The following GRIA2 variants were observed in gnomAD, a reference collection of about 807,000 sequenced individuals.
The protein encoded by GRIA2 is glutamate ionotropic receptor AMPA type subunit 2.
GRIA2 carries 14 observed loss-of-function variants against 97.3 expected under a neutral mutation model. The ratio of observed to expected loss-of-function variants is 0.14; its 90% CI spans 0.10 to 0.23. GRIA2 has a LOEUF of 0.23. Ranked by LOEUF, GRIA2 falls within the 10% of genes least tolerant of loss-of-function variation. The probability of loss-of-function intolerance (pLI) is 1.00; values close to 1 mark genes in which losing one functional copy is unlikely to be tolerated. For missense variants in GRIA2, 558 were observed against 1,069.8 expected, an observed-to-expected ratio of 0.52 and a Z score of 6.67; for synonymous variants, 412 against 387.8, an observed-to-expected ratio of 1.06 and a Z score of -0.73.
chr4:157,355,714 TTATTTATA>T (rs1296606367), intron 12 of GRIA2, among the ~76,000 whole-genome samples: 1 of 105,136 alleles, frequency 9.5e-6, no homozygotes, highest in Non-Finnish European at 1.7e-5. Context: ...TTGTATATAT[TTATTTATA>T]TATTTATTTA....
intron 2 of GRIA2, among the ~76,000 whole-genome samples, chr4:157,282,726 T>C (rs548153305): frequency 6.6e-6 from 1 of 152,072 alleles, no homozygotes; most frequent in African/African-American, 2.4e-5. Context: ...TTTATGAAAA[T>C]CCCAAACAAA....
intron 2 of GRIA2, 152 bp from the exon 3 acceptor site, chr4:157,303,400 T>G: frequency 1.5e-6 from 1 of 657,226 alleles, no homozygotes; most frequent in Non-Finnish European, 2.6e-6. Context: ...AGTAAATAAG[T>G]GTTAATAAAT....
At chr4:157,318,037 TTA>T (rs1734403068) in intron 5 of GRIA2, among the ~76,000 whole-genome samples, 1 of 152,150 alleles carries the variant, frequency 6.6e-6, no homozygotes. Flanking sequence ...ATTGCTGCAA[TTA>T]TGTTTTAGAA....
intron 14 of GRIA2, chr4:157,362,489 T>C: frequency 2.0e-6 from 1 of 499,344 alleles, no homozygotes; most frequent in Non-Finnish European, 3.9e-6. Flanking sequence ...CCCACGGTAA[T>C]GGAATATAAC....
intron 2 of GRIA2, among the ~76,000 whole-genome samples, chr4:157,236,228 A>T (rs937760727): frequency 1.3e-5 from 2 of 152,064 alleles, no homozygotes; most frequent in Admixed American, 1.3e-4. Flanking sequence ...GAAGCTTAAA[A>T]ATTGTGATGA....
At chr4:157,317,608 C>G (rs751647033) in intron 4 of GRIA2, 50 bp from the exon 5 acceptor site, 1 of 723,560 alleles carries the variant, frequency 1.4e-6, no homozygotes, top group Non-Finnish European at 2.4e-6. Flanking sequence ...ATTAATTTTA[C>G]ACTTGCATTA....
chr4:157,327,725 G>A (rs1734866912), intron 6 of GRIA2, among the ~76,000 whole-genome samples: 1 of 152,078 alleles, frequency 6.6e-6, no homozygotes, highest in Non-Finnish European at 1.5e-5. Flanking sequence ...GCTGACATTT[G>A]TGTGGCACTT....
chr4:157,350,732 A>ATTTAAAATCTTT (rs1560778303), intron 12 of GRIA2, among the ~76,000 whole-genome samples: 1 of 152,098 alleles, frequency 6.6e-6, no homozygotes, highest in African/African-American at 2.4e-5. Context: ...CTATAATTTC[A>ATTTAAAATCTTT]TTTAAAATCT....
In GRIA2 at chr4:157,361,098, T is replaced by C; in HGVS notation, c.2380T>C (p.Cys794Arg). The change falls in exon 14 of 16, where the codon TGC becomes CGC. Residue 794 changes from cysteine to arginine, a missense_variant. Around this residue, in one of 8 missense-constraint regions of GRIA2, gnomAD observed 125 missense variants for 310.2 expected, o/e 0.40. Coordinates refer to ENST00000264426, the MANE Select transcript of GRIA2 (RefSeq NM_001083619.3). This position sits in a 1 kb window ranked among gnomAD's most constrained non-coding sequence, Gnocchi z 5.2. ...KNKWWYDKGE[C>R]GSGGGDSKEK... ...CAAATGGTGGTACGACAAAGGAGAG[T>C]GCGGCAGCGGGGGAGGTGATTCCAA... 1 of 1,613,000 alleles carries C rather than the reference T, an allele frequency of 6.2e-7. No individual in the cohort carries two copies. The highest frequency in any genetic ancestry group is 8.5e-7 in the Non-Finnish European group (1 of 1,179,190).
At chr4:157,240,700 TTC>T (rs528245511) in intron 2 of GRIA2, among the ~76,000 whole-genome samples, 203 of 148,500 alleles carry the variant, frequency 1.4e-3, no homozygotes, top group African/African-American at 4.7e-3. Flanking sequence ...TTAAGTTACT[TTC>T]TTTTTTTTTT....
intron 2 of GRIA2, among the ~76,000 whole-genome samples, chr4:157,289,000 T>C (rs1302138380): frequency 6.6e-6 from 1 of 151,872 alleles, no homozygotes; most frequent in Non-Finnish European, 1.5e-5. Context: ...AACAATGTAT[T>C]TGTTTTTAGC....
intron 12 of GRIA2, among the ~76,000 whole-genome samples, chr4:157,343,996 T>C (rs937483224): frequency 6.6e-6 from 1 of 152,090 alleles, no homozygotes; most frequent in African/African-American, 2.4e-5. Flanking sequence ...TCTAGGATAC[T>C]ATGGCTTTCC....
At chr4:157,287,703 A>AT (rs889529987) in intron 2 of GRIA2, among the ~76,000 whole-genome samples, 156 of 146,716 alleles carry the variant, frequency 1.1e-3, no homozygotes, top group Middle Eastern at 3.5e-3. Context: ...CGAGTAAGAG[A>AT]TTTTTTTTTT....
At chr4:157,314,218 G>C (rs1266027292) in intron 4 of GRIA2, among the ~76,000 whole-genome samples, 3 of 152,148 alleles carry the variant, frequency 2.0e-5, no homozygotes, top group Non-Finnish European at 4.4e-5. Context: ...ATACACACTT[G>C]TGTATGCATT....
At position 157,361,190 on chromosome 4, in the gene GRIA2, A is replaced by C. The variant is rs1264871382; in HGVS notation, c.2406+66A>C. 3.2e-6 allele frequency: 4 copies of C among 1,247,380 alleles called. No homozygotes were observed. Among genetic ancestry groups the C allele is most frequent in the Non-Finnish European group, 4.7e-6 (4 of 854,160 alleles). The allele number at this position is 1,247,380 out of a possible 1,614,324, so 77.3% of individuals were successfully genotyped here. ...AACAAAGTAAGCAGCAGCTATGCAC[A>C]GTGTGGGCACTCCGTGCCACCAAGT... is the stretch of plus-strand genomic sequence containing the variant. On this transcript the variant is annotated intron_variant, in intron 14 of 15. Coordinates refer to ENST00000264426, the MANE Select transcript of GRIA2 (RefSeq NM_001083619.3). The surrounding 1 kb of genome is among the most constrained non-coding windows in gnomAD (Gnocchi z 5.2).
intron 2 of GRIA2, among the ~76,000 whole-genome samples, chr4:157,265,601 A>T (rs1160935193): frequency 6.6e-6 from 1 of 152,102 alleles, no homozygotes; most frequent in Non-Finnish European, 1.5e-5. Flanking sequence ...TCTATTGGCT[A>T]AGCCTCCTTA....
At chr4:157,281,403 G>C (rs1486573656) in intron 2 of GRIA2, among the ~76,000 whole-genome samples, 3 of 151,972 alleles carry the variant, frequency 2.0e-5, no homozygotes, top group African/African-American at 7.2e-5. Context: ...TTCTCAGCCT[G>C]TTTATTTCCC....
intron 12 of GRIA2, among the ~76,000 whole-genome samples, chr4:157,345,220 A>C: frequency 6.6e-6 from 1 of 152,102 alleles, no homozygotes; most frequent in Non-Finnish European, 1.5e-5. Flanking sequence ...AGTGATGATC[A>C]TTAAACGAAA....
chr4:157,345,380 G>A (rs1176613814), intron 12 of GRIA2, among the ~76,000 whole-genome samples: 5 of 151,930 alleles, frequency 3.3e-5, no homozygotes, highest in Admixed American at 3.3e-4. Flanking sequence ...CTTGTACAGA[G>A]TGAATGATAA....
Sources: allele counts gnomAD v4.1 joint callset (sites outside exome capture counted in the v4.1 genomes callset), GRCh38; gene constraint gnomAD v4.1.1; regional missense constraint gnomAD v4.1.1; non-coding constraint Gnocchi (gnomAD v3.1); transcripts MANE v1.5; gene names NCBI Gene and HGNC (gene_info 2026-07-23, HGNC 2026-07-21).